FBXO33: variants seen among roughly 807,000 people sequenced by gnomAD.
The protein encoded by FBXO33 is F-box protein 33, also known as F-box only protein 33.
FBXO33 carries 22 observed loss-of-function variants against 46.3 expected under a neutral mutation model. The observed-to-expected ratio is 0.48, with a 90% CI of 0.34 to 0.68. The LOEUF (loss-of-function observed/expected upper bound fraction) is 0.68, where lower values mean the gene tolerates loss of function less well. Ranked by LOEUF, FBXO33 falls within the 30% of genes least tolerant of loss-of-function variation. The probability of loss-of-function intolerance (pLI) is 0.01; values close to 1 mark genes in which losing one functional copy is unlikely to be tolerated. For synonymous variants in FBXO33, 337 were observed against 291.3 expected (o/e 1.16, Z -1.60); for missense variants, 692 against 708.8 (o/e 0.98, Z 0.27).
At chr14:39,409,180 T>C (rs749520165) in intron 1 of FBXO33, among the ~76,000 whole-genome samples, 10 of 152,196 alleles carry the variant, frequency 6.6e-5, no homozygotes, top group Non-Finnish European at 1.2e-4. Context: ...GCCAAGAAGC[T>C]TTCCCCCTAT....
chr14:39,401,881 C>A lies in FBXO33; in HGVS notation c.711-20G>T. ...TGAATTCTATAAGGAAAACACATGC[C>A]ACAGTGATCCCATTAACATTTAGTT... On this transcript the variant is annotated intron_variant, in intron 2 of 3. Transcript: ENST00000298097. The A allele has an allele frequency of 6.4e-7, 1 of 1,558,968 alleles. No individual in the cohort carries two copies.
chr14:39,403,494 G>A (rs1028723746), intron 1 of FBXO33, among the ~76,000 whole-genome samples: 6 of 152,214 alleles, frequency 3.9e-5, no homozygotes, highest in African/African-American at 1.2e-4. Context: ...TGAACTGGGA[G>A]GCGGAGGTTG....
chr14:39,407,449 T>C (rs2075404244), intron 1 of FBXO33, among the ~76,000 whole-genome samples: 1 of 152,244 alleles, frequency 6.6e-6, no homozygotes, highest in Non-Finnish European at 1.5e-5. Flanking sequence ...ATTAACAGTT[T>C]TCCATTTTTC....
chr14:39,431,542 G>A (rs778511819), intron 1 of FBXO33, 22 bp downstream of exon 1: 2 of 1,608,214 alleles, frequency 1.2e-6, no homozygotes, highest in Non-Finnish European at 1.7e-6. Flanking sequence ...ACCGGGCGGG[G>A]CGGGGCTCAG....
At chr14:39,414,798 A>C (rs1405837639) in intron 1 of FBXO33, among the ~76,000 whole-genome samples, 3 of 152,150 alleles carry the variant, frequency 2.0e-5, no homozygotes, top group Non-Finnish European at 4.4e-5. Context: ...AGTAGATGGG[A>C]ACACAGGTGC....
intron 1 of FBXO33, among the ~76,000 whole-genome samples, chr14:39,423,586 T>C (rs2075495926): frequency 6.6e-6 from 1 of 152,188 alleles, no homozygotes. Context: ...TAAAAATTAA[T>C]GAACAACTAT....
intron 1 of FBXO33, among the ~76,000 whole-genome samples, chr14:39,410,327 C>T (rs941854267): frequency 2.0e-5 from 3 of 152,106 alleles, no homozygotes; most frequent in Admixed American, 6.6e-5. Flanking sequence ...TACAATGTGG[C>T]GTAGTATATT....
At chr14:39,426,643 TCA>T (rs1319480511) in intron 1 of FBXO33, among the ~76,000 whole-genome samples, 2 of 152,202 alleles carry the variant, frequency 1.3e-5, no homozygotes, top group African/African-American at 4.8e-5. Flanking sequence ...CACAGCCCTG[TCA>T]CACTTTCTTT....
chr14:39,402,074 G>GATCTATTAAAAACATA (rs2075371257), intron 2 of FBXO33, among the ~76,000 whole-genome samples: 1 of 152,048 alleles, frequency 6.6e-6, no homozygotes, highest in Non-Finnish European at 1.5e-5. Context: ...TATTAAACAC[G>GATCTATTAAAAACATA]TAGAAATATG....
chr14:39,405,831 A>G (rs2075394359), intron 1 of FBXO33, among the ~76,000 whole-genome samples: 1 of 146,648 alleles, frequency 6.8e-6, no homozygotes, highest in African/African-American at 2.4e-5. Flanking sequence ...TGTCAAGGAA[A>G]ACATCACAGG....
chr14:39,421,780 T>TCACACACACACACA (rs10582893), intron 1 of FBXO33, among the ~76,000 whole-genome samples: 1 of 149,064 alleles, frequency 6.7e-6, no homozygotes, highest in Non-Finnish European at 1.5e-5. Context: ...TGAGTACAAA[T>TCACACACACACACA]CACACACACA....
chr14:39,420,655 C>T (rs1025221570), intron 1 of FBXO33, among the ~76,000 whole-genome samples: 1 of 151,960 alleles, frequency 6.6e-6, no homozygotes, highest in Admixed American at 6.6e-5. Flanking sequence ...TGCGTCACTG[C>T]ACTCCAGCCT....
At chr14:39,399,837 C>G in intron 3 of FBXO33, 50 bp from the exon 4 acceptor site, 2 of 1,468,934 alleles carry the variant, frequency 1.4e-6, no homozygotes, top group Non-Finnish European at 1.8e-6. Flanking sequence ...ATTTCCTTTT[C>G]TCTTTGGTAA....
At chr14:39,411,065 T>C (rs547648458) in intron 1 of FBXO33, among the ~76,000 whole-genome samples, 1 of 152,242 alleles carries the variant, frequency 6.6e-6, no homozygotes, top group African/African-American at 2.4e-5. Flanking sequence ...TCTAATTCAT[T>C]AGGGTTTAAA....
chr14:39,431,881 G>A lies in FBXO33; in HGVS notation c.282C>T (p.Ser94=). Residue 94 remains serine, a synonymous_variant, in exon 1 of 4, where the codon TCC becomes TCT. Transcript: ENST00000298097. The part of the protein sequence containing the change: ...PAPDRLRASA[S]CSHWRECLFY... Reference sequence around the variant, plus strand: ...AGAGGCACTCACGCCAGTGCGAGCAGGAGGCCGAGGCCCGCAGCCGGTCGG... The same window carrying A: ...AGAGGCACTCACGCCAGTGCGAGCAAGAGGCCGAGGCCCGCAGCCGGTCGG... 2 of 1,568,524 alleles carry A rather than the reference G, an allele frequency of 1.3e-6. No homozygotes were observed. The highest frequency in any genetic ancestry group is 4.6e-5 in the East Asian group (2 of 43,270).
intron 1 of FBXO33, among the ~76,000 whole-genome samples, chr14:39,414,001 G>A (rs568326156): frequency 6.6e-6 from 1 of 152,248 alleles, no homozygotes; most frequent in South Asian, 2.1e-4. Flanking sequence ...AACCTCTAAC[G>A]AGAGTCAGCC....
intron 1 of FBXO33, among the ~76,000 whole-genome samples, chr14:39,411,887 G>A (rs1450472125): frequency 1.3e-5 from 2 of 151,942 alleles, no homozygotes; most frequent in Admixed American, 6.6e-5. Flanking sequence ...TCCTTTTATT[G>A]ATTTCCAGTT....
intron 1 of FBXO33, among the ~76,000 whole-genome samples, chr14:39,427,008 A>C (rs2075518922): frequency 6.6e-6 from 1 of 151,844 alleles, no homozygotes. Context: ...TAATTGGAGG[A>C]AAAAACCCTA....
At chr14:39,403,742 A>G (rs551549229) in intron 1 of FBXO33, among the ~76,000 whole-genome samples, 4 of 152,336 alleles carry the variant, frequency 2.6e-5, no homozygotes, top group East Asian at 3.9e-4. Flanking sequence ...GATAATTTCA[A>G]TTAAAAAATG....
Sources: gnomAD v4.1 joint callset for allele counts (sites outside exome capture counted in the v4.1 genomes callset) on GRCh38, gnomAD v4.1.1 for gene constraint, MANE v1.5 for transcripts, NCBI Gene and HGNC (gene_info 2026-07-23, HGNC 2026-07-21) for gene names.